Variants in FRMPD4 observed in about 807,000 individuals in gnomAD.
FRMPD4 encodes the protein FERM and PDZ domain-containing protein 4.
FRMPD4 carries 22 observed loss-of-function variants against 94.1 expected under a neutral mutation model. The observed-to-expected ratio is 0.23, with a 90% CI of 0.17 to 0.33. The LOEUF (loss-of-function observed/expected upper bound fraction) is 0.33, where lower values mean the gene tolerates loss of function less well. Ranked by LOEUF, FRMPD4 falls within the 10% of genes least tolerant of loss-of-function variation. The pLI is 1.00. For missense variants in FRMPD4, 1,111 were observed against 1,339.9 expected (o/e 0.83, Z 2.67); for synonymous variants, 631 against 548.6 (o/e 1.15, Z -2.10).
chrX:12,562,370 A>T (rs1191132901), intron 2 of FRMPD4, among the ~76,000 whole-genome samples: 2 of 112,407 alleles, frequency 1.8e-5, no homozygotes, highest in South Asian at 3.7e-4. Context: ...CAATAAATTT[A>T]CCTATATTGT....
In FRMPD4 at chrX:12,062,537, T is replaced by A. The variant is rs1265459994; in HGVS notation, c.95+184519T>A. ...CAGGGTCTCACTCTGTCACCCAGGCTGGAGTACAGTGGCGCAATCTCGGCT... is the reference window on the plus strand; with the variant it reads ...CAGGGTCTCACTCTGTCACCCAGGCAGGAGTACAGTGGCGCAATCTCGGCT... On this transcript the variant is annotated intron_variant, in intron 3 of 18. Transcript: ENST00000640291. Among the ~76,000 whole-genome samples, 4 of 111,308 alleles carry A rather than the reference T, an allele frequency of 3.6e-5. No individual in the cohort carries two copies. In the East Asian group the frequency reaches 1.1e-3, roughly 31 times the overall value.
intron 1 of FRMPD4, among the ~76,000 whole-genome samples, chrX:11,835,942 T>C (rs2053498915): frequency 8.9e-6 from 1 of 112,162 alleles, no homozygotes; most frequent in Non-Finnish European, 1.9e-5. Context: ...AATTTACTAT[T>C]ATAGTAGATG....
chrX:11,989,716 C>T (rs978405450), intron 3 of FRMPD4, among the ~76,000 whole-genome samples: 2 of 111,758 alleles, frequency 1.8e-5, no homozygotes, highest in Admixed American at 9.5e-5. Context: ...GTGATTATTA[C>T]GCATTGCATG....
At chrX:11,844,942 T>A (rs775201462) in intron 1 of FRMPD4, among the ~76,000 whole-genome samples, 1 of 112,021 alleles carries the variant, frequency 8.9e-6, no homozygotes, top group East Asian at 2.8e-4. Flanking sequence ...TTGATTTAAA[T>A]TTAGATGTTC....
intron 1 of FRMPD4, among the ~76,000 whole-genome samples, chrX:12,242,006 G>A (rs1161027544): frequency 9.1e-6 from 1 of 110,460 alleles, no homozygotes; most frequent in Non-Finnish European, 1.9e-5. Flanking sequence ...AGAAAAGTAA[G>A]ACATTGCTAG....
chrX:12,038,906 T>C (rs745741905), intron 3 of FRMPD4, among the ~76,000 whole-genome samples: 5 of 111,288 alleles, frequency 4.5e-5, no homozygotes, highest in African/African-American at 1.6e-4. Flanking sequence ...TTCCATTTGA[T>C]TGATTTCCCC....
intron 3 of FRMPD4, among the ~76,000 whole-genome samples, chrX:12,018,725 C>T (rs2054617545): frequency 9.0e-6 from 1 of 111,662 alleles, no homozygotes; most frequent in Non-Finnish European, 1.9e-5. Flanking sequence ...TCCAGATTTC[C>T]CCTTGTTATA....
At chrX:12,547,062 T>C (rs2058486848) in intron 2 of FRMPD4, among the ~76,000 whole-genome samples, 1 of 99,641 alleles carries the variant, frequency 1.0e-5, no homozygotes, top group African/African-American at 3.7e-5. Flanking sequence ...CACTGATACC[T>C]GACATATATG....
chrX:12,020,822 A>G (rs1364607512), intron 3 of FRMPD4, among the ~76,000 whole-genome samples: 2 of 111,690 alleles, frequency 1.8e-5, no homozygotes, highest in Admixed American at 9.5e-5. Context: ...AAACCAAATC[A>G]TCATGCAGGC....
intron 1 of FRMPD4, among the ~76,000 whole-genome samples, chrX:12,479,421 T>TACACATATATATACATATATAC (rs1465880031): frequency 3.4e-5 from 2 of 58,553 alleles, no homozygotes; most frequent in Non-Finnish European, 7.6e-5. Context: ...TATACATATA[T>TACACATATATATACATATATAC]ACGTATATAT....
chrX:12,475,922 C>T (rs150563890), intron 1 of FRMPD4, among the ~76,000 whole-genome samples: 14,875 of 110,861 alleles, frequency 0.13, 833 homozygotes, highest in South Asian at 0.21. Flanking sequence ...CCATCCCCAT[C>T]AAGCTACCAA....
chrX:12,358,997 C>CT (rs765410209), intron 1 of FRMPD4, among the ~76,000 whole-genome samples: 57 of 110,915 alleles, frequency 5.1e-4, no homozygotes, highest in African/African-American at 1.4e-3. Context: ...GAAGCACTGT[C>CT]TTTTTTTTTA....
At chrX:12,305,003 G>T (rs947116883) in intron 1 of FRMPD4, among the ~76,000 whole-genome samples, 2 of 112,050 alleles carry the variant, frequency 1.8e-5, no homozygotes, top group Non-Finnish European at 3.8e-5. Context: ...TGGAAATTTG[G>T]AAGCATGGTT....
chrX:12,436,116 G>A (rs1029449729), intron 1 of FRMPD4, among the ~76,000 whole-genome samples: 2 of 110,391 alleles, frequency 1.8e-5, no homozygotes, highest in South Asian at 3.9e-4. Flanking sequence ...AGCAATTCTC[G>A]TGCGTCAGCC....
intron 3 of FRMPD4, among the ~76,000 whole-genome samples, chrX:12,021,821 T>C (rs1250963132): frequency 8.9e-6 from 1 of 112,086 alleles, no homozygotes; most frequent in Non-Finnish European, 1.9e-5. Context: ...GAGCCTTAAG[T>C]CTTTTGAGCT....
chrX:12,139,005 C>T lies in FRMPD4; in HGVS notation c.34C>T (p.Leu12Phe). 3 of 1,167,148 alleles carry T rather than the reference C, an allele frequency of 2.6e-6. No homozygotes were observed. The highest frequency in any genetic ancestry group is 3.4e-6 in the Non-Finnish European group (3 of 872,616). Residue 12 changes from leucine (L) to phenylalanine (F), a missense_variant, in exon 1 of 17, where the codon CTT (leucine) becomes TTT (phenylalanine). Around this residue, in one of 8 missense-constraint regions of FRMPD4, gnomAD observed 140 missense variants for 165.9 expected, o/e 0.84. Coordinates refer to ENST00000675598, the MANE Select transcript of FRMPD4 (RefSeq NM_001368397.1). ...DVFSFVKIAK[L>F]SSHRTKSSGW... Reference sequence around the variant, plus strand: ...CTTCAGCTTTGTGAAGATTGCAAAGCTTTCGAGGTAGGGGCTGCGCGGGTT... The same window carrying T: ...CTTCAGCTTTGTGAAGATTGCAAAGTTTTCGAGGTAGGGGCTGCGCGGGTT...
intron 3 of FRMPD4, among the ~76,000 whole-genome samples, chrX:12,023,037 G>C (rs1006840870): frequency 1.1e-4 from 12 of 111,494 alleles, no homozygotes; most frequent in African/African-American, 3.9e-4. Context: ...CAAGGTTATG[G>C]AATTAAGAAT....
chrX:12,043,599 C>A (rs748150905), intron 3 of FRMPD4, among the ~76,000 whole-genome samples: 2 of 110,773 alleles, frequency 1.8e-5, no homozygotes, highest in Non-Finnish European at 3.8e-5. Flanking sequence ...ATTATTGGGG[C>A]CTTTGGGACC....
At chrX:12,240,215 A>G (rs911901184) in intron 1 of FRMPD4, among the ~76,000 whole-genome samples, 1 of 112,325 alleles carries the variant, frequency 8.9e-6, no homozygotes, top group African/African-American at 3.2e-5. Flanking sequence ...GTGACCCACA[A>G]AGTCTAAATT....
Sources: allele counts gnomAD v4.1 joint callset (sites outside exome capture counted in the v4.1 genomes callset), GRCh38; gene constraint gnomAD v4.1.1; regional missense constraint gnomAD v4.1.1; transcripts MANE v1.5; gene names NCBI Gene and HGNC (gene_info 2026-07-23, HGNC 2026-07-21).